ZNF536: variants seen among roughly 807,000 people sequenced by gnomAD.
The protein encoded by ZNF536 is zinc finger protein 536.
ZNF536 carries 13 observed loss-of-function variants against 84.5 expected under a neutral mutation model. That is an observed-to-expected ratio of 0.15 (90% CI 0.10 to 0.24). The LOEUF is 0.24. Ranked by LOEUF, ZNF536 falls within the 10% of genes least tolerant of loss-of-function variation. ZNF536 has a pLI of 1.00. For synonymous variants in ZNF536, 811 were observed against 742.5 expected, an observed-to-expected ratio of 1.09 and a Z score of -1.50; for missense variants, 1,536 against 1,747.5, an observed-to-expected ratio of 0.88 and a Z score of 2.16.
At chr19:30,374,271 C>A (rs537895950) in intron 1 of ZNF536, among the ~76,000 whole-genome samples, 2 of 151,510 alleles carry the variant, frequency 1.3e-5, no homozygotes, top group East Asian at 3.9e-4. Flanking sequence ...GTGGAAGACA[C>A]CTGTTATTTA....
chr19:30,305,284 C>T (rs1193914324), intron 2 of ZNF536, among the ~76,000 whole-genome samples: 3 of 152,076 alleles, frequency 2.0e-5, no homozygotes, highest in Non-Finnish European at 2.9e-5. Flanking sequence ...CAAGAGAGAC[C>T]GTGGGAAGGG....
intron 2 of ZNF536, among the ~76,000 whole-genome samples, chr19:30,319,912 T>C (rs886167981): frequency 4.6e-5 from 7 of 152,362 alleles, no homozygotes; most frequent in Admixed American, 3.9e-4. Context: ...TCATTACCCT[T>C]AGTGATGTTT....
intron 2 of ZNF536, among the ~76,000 whole-genome samples, chr19:30,452,236 T>C (rs2052640698): frequency 6.6e-6 from 1 of 152,238 alleles, no homozygotes; most frequent in Non-Finnish European, 1.5e-5. Context: ...TCTGCAGAGC[T>C]GGGGCAGCCT....
At chr19:30,508,820 CTTTTT>C (rs914349353) in intron 2 of ZNF536, among the ~76,000 whole-genome samples, 3 of 68,770 alleles carry the variant, frequency 4.4e-5, no homozygotes, top group African/African-American at 1.3e-4. Flanking sequence ...TTCTTTCTTT[CTTTTT>C]TTTTTTTTTT....
At chr19:30,706,403 T>A (rs1600342451) in intron 1 of ZNF536, among the ~76,000 whole-genome samples, 1 of 150,048 alleles carries the variant, frequency 6.7e-6, no homozygotes, top group South Asian at 2.1e-4. Flanking sequence ...AGGAGAAAGG[T>A]GTGAACCCGG....
At chr19:30,591,843 G>A (rs539268576) in intron 1 of ZNF536, among the ~76,000 whole-genome samples, 6 of 152,158 alleles carry the variant, frequency 3.9e-5, no homozygotes, top group Non-Finnish European at 7.3e-5. Flanking sequence ...TCAACTCTAC[G>A]AAGGTGGCCT....
intron 1 of ZNF536, among the ~76,000 whole-genome samples, chr19:30,264,050 CTT>C (rs1327353467): frequency 6.6e-6 from 1 of 152,192 alleles, no homozygotes; most frequent in Non-Finnish European, 1.5e-5. Flanking sequence ...ATAATCAGAT[CTT>C]TCTTTTTGTC....
chr19:30,624,331 G>C (rs1172474148), intron 1 of ZNF536, among the ~76,000 whole-genome samples: 1 of 152,120 alleles, frequency 6.6e-6, no homozygotes, highest in Non-Finnish European at 1.5e-5. Flanking sequence ...CCTGTTTCTG[G>C]AATCTAGAGC....
At chr19:30,410,423 TA>T (rs1408428376) in intron 1 of ZNF536, among the ~76,000 whole-genome samples, 2 of 149,876 alleles carry the variant, frequency 1.3e-5, no homozygotes, top group Non-Finnish European at 3.0e-5. Context: ...AAAATAACTT[TA>T]AAAAATTATT....
At chr19:30,225,688 G>GGGT (rs2022573851), upstream of ZNF536, among the ~76,000 whole-genome samples, 1 of 77,610 alleles carries the variant, frequency 1.3e-5, no homozygotes, top group African/African-American at 7.4e-5. Flanking sequence ...AAACAAAGGT[G>GGGT]GGGGGGGGAT....
chr19:30,455,690 G>T (rs1434081544), intron 2 of ZNF536, among the ~76,000 whole-genome samples: 33 of 152,214 alleles, frequency 2.2e-4, no homozygotes, highest in Admixed American at 2.2e-3. Flanking sequence ...AACAGAGCAA[G>T]ACCCTGTCTC....
At chr19:30,588,272 G>T (rs1264800443) in intron 1 of ZNF536, among the ~76,000 whole-genome samples, 1 of 152,252 alleles carries the variant, frequency 6.6e-6, no homozygotes, top group African/African-American at 2.4e-5. Context: ...CACGGCAGTG[G>T]CATGCCAGGT....
chr19:30,288,811 G>A (rs771295470), intron 2 of ZNF536, among the ~76,000 whole-genome samples: 5 of 152,170 alleles, frequency 3.3e-5, no homozygotes, highest in Non-Finnish European at 5.9e-5. Flanking sequence ...GCATGGCACC[G>A]TTGTTATTTT....
At chr19:30,633,561 C>T (rs1215606127) in intron 1 of ZNF536, among the ~76,000 whole-genome samples, 1 of 152,150 alleles carries the variant, frequency 6.6e-6, no homozygotes, top group Non-Finnish European at 1.5e-5. Flanking sequence ...TGGTAACCAC[C>T]ATTCTGCTCT....
At chr19:30,336,888 A>G (rs921901595) in intron 2 of ZNF536, among the ~76,000 whole-genome samples, 16 of 152,168 alleles carry the variant, frequency 1.1e-4, no homozygotes, top group African/African-American at 3.6e-4. Context: ...CTGCTTTCAA[A>G]ATAGCTCACC....
At chr19:30,389,200 T>C (rs1385235234) in intron 1 of ZNF536, among the ~76,000 whole-genome samples, 1 of 152,158 alleles carries the variant, frequency 6.6e-6, no homozygotes, top group African/African-American at 2.4e-5. Flanking sequence ...TTCTCCAATT[T>C]CCAAGTAGAG....
rs182100597 is a variant in ZNF536, at chr19:30,346,665, G to A, written c.-119-5703G>A. On this transcript the variant is annotated intron_variant, in intron 2 of 5. Transcript: ENST00000585628. ...CCAGCTCCATCCTTATTCCTTCAAAGGACATGATCTTGTTCTTTTTTATGG... is the reference window on the plus strand; with the variant it reads ...CCAGCTCCATCCTTATTCCTTCAAAAGACATGATCTTGTTCTTTTTTATGG... Among the ~76,000 whole-genome samples the A allele has an allele frequency of 1.1e-3, 165 of 152,298 alleles. 2 individuals are homozygous for A. In the South Asian group the frequency reaches 0.026, roughly 24 times the overall value.
chr19:30,701,314 GAC>G (rs1404861298), intron 1 of ZNF536, among the ~76,000 whole-genome samples: 16 of 127,042 alleles, frequency 1.3e-4, no homozygotes, highest in Non-Finnish European at 2.0e-4. Context: ...AACACACACA[GAC>G]ACACACAAAC....
chr19:30,435,045 GTGATGA>G (rs776500590), intron 1 of ZNF536, among the ~76,000 whole-genome samples: 1 of 150,292 alleles, frequency 6.7e-6, no homozygotes, highest in African/African-American at 2.5e-5. Flanking sequence ...GGTGCTGGTG[GTGATGA>G]TGATGCTGAT....
Sources: gnomAD v4.1 joint callset for allele counts (sites outside exome capture counted in the v4.1 genomes callset) on GRCh38, gnomAD v4.1.1 for gene constraint, MANE v1.5 for transcripts, NCBI Gene and HGNC (gene_info 2026-07-23, HGNC 2026-07-21) for gene names.